Variants in NAALADL2 observed in about 807,000 individuals in gnomAD.
NAALADL2 encodes N-acetylated alpha-linked acidic dipeptidase like 2.
Under a neutral mutation model 87.2 loss-of-function variants are expected in NAALADL2, and 76 were observed. The ratio of observed to expected loss-of-function variants is 0.87; its 90% CI spans 0.72 to 1.05. NAALADL2 has a LOEUF of 1.05. Among genes scored for constraint, NAALADL2 ranks in the 50% least tolerant of loss-of-function variants. The pLI is 0.00. For missense variants in NAALADL2, 1,089 were observed against 945.8 expected (o/e 1.15, Z -1.99); for synonymous variants, 354 against 331.0 (o/e 1.07, Z -0.75).
rs144423182 is a variant in NAALADL2, at chr3:174,648,238, G to A, written c.-114-89403G>A. On this transcript the variant is annotated intron_variant, in intron 2 of 3. Transcript: ENST00000434257. ...CTTGGGAGGCTGAGACAAGAGAATC[G>A]CTTGAACCCGGGAGGCAGAGGTTGC... Among the ~76,000 whole-genome samples, 136 of 151,860 alleles carry A rather than the reference G, an allele frequency of 9.0e-4. 1 individual carries two copies. Among genetic ancestry groups the A allele is most frequent in the African/African-American group, 3.1e-3 (128 of 41,426 alleles).
At chr3:174,511,705 T>G (rs1180365050) in intron 1 of NAALADL2, among the ~76,000 whole-genome samples, 1 of 151,776 alleles carries the variant, frequency 6.6e-6, no homozygotes, top group Admixed American at 6.6e-5. Context: ...TCTATTTCTC[T>G]TATCTGTTTT....
At chr3:175,480,058 A>G (rs576800293) in intron 9 of NAALADL2, among the ~76,000 whole-genome samples, 1 of 151,842 alleles carries the variant, frequency 6.6e-6, no homozygotes, top group South Asian at 2.1e-4. Flanking sequence ...ATTTATTTAT[A>G]AAGTAATTCA....
At chr3:174,529,774 A>G (rs1168552881) in intron 1 of NAALADL2, among the ~76,000 whole-genome samples, 1 of 152,144 alleles carries the variant, frequency 6.6e-6, no homozygotes, top group Non-Finnish European at 1.5e-5. Flanking sequence ...CCCAGGCTCT[A>G]TGTTGGCCCC....
chr3:175,278,110 A>T (rs1753837832), intron 4 of NAALADL2, among the ~76,000 whole-genome samples: 2 of 152,180 alleles, frequency 1.3e-5, no homozygotes, highest in Non-Finnish European at 2.9e-5. Context: ...TGGGCGACAA[A>T]GCGAGACTCC....
intron 9 of NAALADL2, among the ~76,000 whole-genome samples, chr3:175,485,715 GT>G (rs1727162606): frequency 2.6e-5 from 4 of 152,096 alleles, no homozygotes; most frequent in Non-Finnish European, 5.9e-5. Context: ...CCACTGGATG[GT>G]GCCCATCCAG....
At chr3:175,699,314 T>G (rs1454997517) in intron 11 of NAALADL2, among the ~76,000 whole-genome samples, 6 of 151,992 alleles carry the variant, frequency 3.9e-5, no homozygotes, top group Admixed American at 1.3e-4. Flanking sequence ...AGTCTTTTGT[T>G]TGTTTTCCTA....
chr3:175,262,471 T>C (rs1751205495), intron 4 of NAALADL2, among the ~76,000 whole-genome samples: 1 of 152,038 alleles, frequency 6.6e-6, no homozygotes, highest in Admixed American at 6.6e-5. Flanking sequence ...AAATAAAATC[T>C]GTAGATGCAT....
intron 5 of NAALADL2, among the ~76,000 whole-genome samples, chr3:175,428,283 G>GT: frequency 6.6e-6 from 1 of 152,212 alleles, no homozygotes; most frequent in East Asian, 1.9e-4. Context: ...TACTCAATAA[G>GT]TTTTTTTGAA....
At chr3:174,542,409 T>A (rs1722327042) in intron 1 of NAALADL2, among the ~76,000 whole-genome samples, 1 of 152,114 alleles carries the variant, frequency 6.6e-6, no homozygotes, top group Non-Finnish European at 1.5e-5. Context: ...GGATGCCTGA[T>A]CTAAGGGGCC....
At chr3:174,694,891 C>T (rs9858712) in intron 2 of NAALADL2, among the ~76,000 whole-genome samples, 15,849 of 151,874 alleles carry the variant, frequency 0.1, 1,104 homozygotes, top group African/African-American at 0.2. Flanking sequence ...ATGTAGCTGC[C>T]AACAAGCCCT....
chr3:174,452,852 C>T (rs1715577321), intron 1 of NAALADL2, among the ~76,000 whole-genome samples: 1 of 152,114 alleles, frequency 6.6e-6, no homozygotes, highest in Non-Finnish European at 1.5e-5. Flanking sequence ...GCAAGAATTC[C>T]TACAACTCAA....
At chr3:175,463,838 C>T (rs1345008213) in intron 7 of NAALADL2, among the ~76,000 whole-genome samples, 2 of 151,620 alleles carry the variant, frequency 1.3e-5, no homozygotes, top group Non-Finnish European at 2.9e-5. Context: ...TTATACTCAC[C>T]ATAACACCAC....
At chr3:175,446,487 C>T (rs1409870204) in intron 5 of NAALADL2, among the ~76,000 whole-genome samples, 1 of 152,150 alleles carries the variant, frequency 6.6e-6, no homozygotes. Context: ...AGTGATCCTC[C>T]CGCCTTGGCC....
At chr3:174,799,178 A>AG (rs1250142157) in intron 3 of NAALADL2, among the ~76,000 whole-genome samples, 1 of 151,982 alleles carries the variant, frequency 6.6e-6, no homozygotes, top group Non-Finnish European at 1.5e-5. Context: ...TCAAAAAAAA[A>AG]AAAAAAATTA....
At chr3:174,859,196 C>A, upstream of NAALADL2, 1 of 551,480 alleles carries the variant, frequency 1.8e-6, no homozygotes, top group Non-Finnish European at 3.3e-6. Context: ...CTTTAATAGC[C>A]ATACAGTGGA....
intron 13 of NAALADL2, among the ~76,000 whole-genome samples, chr3:175,765,222 T>TA (rs982383764): frequency 9.9e-5 from 15 of 152,264 alleles, no homozygotes; most frequent in African/African-American, 3.4e-4. Context: ...CTGGCTCATA[T>TA]AAAAAATCTT....
intron 10 of NAALADL2, among the ~76,000 whole-genome samples, chr3:175,587,658 C>T (rs1009053522): frequency 1.3e-5 from 2 of 152,032 alleles, no homozygotes; most frequent in East Asian, 1.9e-4. Context: ...CTTAGACTCC[C>T]GAGAATCCCA....
chr3:175,539,420 C>A (rs1474324167), intron 9 of NAALADL2, among the ~76,000 whole-genome samples: 1 of 152,040 alleles, frequency 6.6e-6, no homozygotes, highest in Non-Finnish European at 1.5e-5. Context: ...AATATAGGGG[C>A]TAAGAAAACT....
chr3:174,570,370 TA>T (rs1280597136), intron 2 of NAALADL2, among the ~76,000 whole-genome samples: 1 of 152,132 alleles, frequency 6.6e-6, no homozygotes, highest in Non-Finnish European at 1.5e-5. Context: ...AAATATGGAT[TA>T]AATTGAGCTC....
Sources: gnomAD v4.1 joint callset for allele counts (sites outside exome capture counted in the v4.1 genomes callset) on GRCh38, gnomAD v4.1.1 for gene constraint, MANE v1.5 for transcripts, NCBI Gene and HGNC (gene_info 2026-07-23, HGNC 2026-07-21) for gene names.